The following ARHGAP24 variants were observed in gnomAD, a reference collection of about 807,000 sequenced individuals.
ARHGAP24 encodes the protein Rho GTPase activating protein 24.
In ARHGAP24, 50 loss-of-function variants were observed where a neutral mutation model predicts 76.4. That is an observed-to-expected ratio of 0.65 (90% CI 0.52 to 0.83). ARHGAP24 has a LOEUF of 0.83. Among genes scored for constraint, ARHGAP24 ranks in the 40% least tolerant of loss-of-function variants. The pLI is 0.00. For missense variants in ARHGAP24, 930 were observed against 914.2 expected (o/e 1.02, Z -0.22); for synonymous variants, 345 against 323.3 (o/e 1.07, Z -0.72).
chr4:85,521,991 T>C (rs1724788055), intron 1 of ARHGAP24, among the ~76,000 whole-genome samples: 1 of 152,192 alleles, frequency 6.6e-6, no homozygotes, highest in Non-Finnish European at 1.5e-5. Flanking sequence ...ATGCCTGTTT[T>C]GTAGAAATTC....
intron 2 of ARHGAP24, among the ~76,000 whole-genome samples, chr4:85,683,962 A>T (rs1339151788): frequency 6.6e-6 from 1 of 152,104 alleles, no homozygotes; most frequent in Non-Finnish European, 1.5e-5. Context: ...ATTCCATTGT[A>T]TATATATATA....
chr4:85,509,766 T>C (rs1432780053), intron 1 of ARHGAP24, among the ~76,000 whole-genome samples: 3 of 152,120 alleles, frequency 2.0e-5, no homozygotes, highest in Non-Finnish European at 4.4e-5. Flanking sequence ...TCACTTTGTT[T>C]GAACCTGGAA....
At chr4:85,896,762 G>T (rs958111331) in intron 3 of ARHGAP24, among the ~76,000 whole-genome samples, 3 of 152,050 alleles carry the variant, frequency 2.0e-5, no homozygotes, top group Non-Finnish European at 4.4e-5. Flanking sequence ...TGTTTGGGGA[G>T]CCTCTGTTGA....
At chr4:85,941,527 T>C (rs1736944729) in intron 4 of ARHGAP24, among the ~76,000 whole-genome samples, 1 of 152,200 alleles carries the variant, frequency 6.6e-6, no homozygotes, top group Admixed American at 6.5e-5. Flanking sequence ...GTCTGAAATA[T>C]TTTATATGGG....
intron 3 of ARHGAP24, among the ~76,000 whole-genome samples, chr4:85,784,509 T>A (rs1727715284): frequency 6.6e-6 from 1 of 151,960 alleles, no homozygotes; most frequent in South Asian, 2.1e-4. Context: ...AACGTCCCCT[T>A]CCTCCAGATG....
intron 3 of ARHGAP24, among the ~76,000 whole-genome samples, chr4:85,837,897 G>C (rs1019978317): frequency 6.6e-6 from 1 of 152,054 alleles, no homozygotes; most frequent in African/African-American, 2.4e-5. Context: ...TTCCTCGATC[G>C]GTATTGTATT....
At chr4:85,686,655 A>G (rs191022013) in intron 2 of ARHGAP24, 92 of 152,364 alleles carry the variant, frequency 6.0e-4, no homozygotes, top group African/African-American at 2.2e-3. Flanking sequence ...CCCTGCATAC[A>G]TTAAACAAGT....
At chr4:85,962,492 A>G (rs1738318032) in intron 5 of ARHGAP24, among the ~76,000 whole-genome samples, 1 of 151,948 alleles carries the variant, frequency 6.6e-6, no homozygotes. Context: ...GGTGGATATT[A>G]TAGTATATAG....
intron 1 of ARHGAP24, among the ~76,000 whole-genome samples, chr4:85,528,324 G>A (rs191182648): frequency 1.3e-5 from 2 of 152,150 alleles, no homozygotes; most frequent in African/African-American, 2.4e-5. Flanking sequence ...AGCTATGATT[G>A]CTAAAAATAT....
At chr4:85,652,332 A>G (rs760334064) in intron 2 of ARHGAP24, among the ~76,000 whole-genome samples, 8 of 152,212 alleles carry the variant, frequency 5.3e-5, no homozygotes, top group Non-Finnish European at 1.2e-4. Flanking sequence ...TCACAATATT[A>G]CTTTACTGAC....
At chr4:85,982,854 C>G (rs1255191872) in intron 8 of ARHGAP24, among the ~76,000 whole-genome samples, 1 of 152,010 alleles carries the variant, frequency 6.6e-6, no homozygotes, top group Non-Finnish European at 1.5e-5. Flanking sequence ...ATTTGCTGTG[C>G]CTGTCAACCC....
chr4:85,828,173 T>A (rs1256278049), intron 3 of ARHGAP24, among the ~76,000 whole-genome samples: 2 of 152,212 alleles, frequency 1.3e-5, no homozygotes, highest in East Asian at 3.9e-4. Context: ...AGATTGGACA[T>A]AGTGCTGTTC....
intron 3 of ARHGAP24, among the ~76,000 whole-genome samples, chr4:85,814,503 C>T (rs1263990703): frequency 6.6e-6 from 1 of 152,202 alleles, no homozygotes; most frequent in Non-Finnish European, 1.5e-5. Context: ...GTACCCCATG[C>T]AAGTCCAAAA....
rs1286331245 is a variant in ARHGAP24 at position 85,574,700 on chromosome 4, T to C, written c.180+3979T>C. On this transcript the variant is annotated intron_variant, in intron 2 of 9. Transcript: ENST00000395184. ...GAAAGGAATCATGACAGTTGTTTCCTAATACATTGAAAACCTAAGTTAATA... is the reference window on the plus strand; with the variant it reads ...GAAAGGAATCATGACAGTTGTTTCCCAATACATTGAAAACCTAAGTTAATA... 2.6e-5 allele frequency among the ~76,000 whole-genome samples: 4 copies of C among 152,246 alleles called. No individual in the cohort carries two copies. The South Asian group carries it at 8.3e-4, about 32-fold the overall frequency.
At chr4:85,568,320 G>A (rs1048172001) in intron 1 of ARHGAP24, among the ~76,000 whole-genome samples, 2 of 151,536 alleles carry the variant, frequency 1.3e-5, no homozygotes, top group Non-Finnish European at 2.9e-5. Flanking sequence ...CGGGGGGGAG[G>A]GGGGCGTGTG....
intron 1 of ARHGAP24, among the ~76,000 whole-genome samples, chr4:85,506,609 T>C (rs1386824672): frequency 6.6e-6 from 1 of 151,286 alleles, no homozygotes; most frequent in Non-Finnish European, 1.5e-5. Context: ...AAAAGCACAG[T>C]ATTTGGGCAG....
At chr4:85,827,905 C>G in intron 3 of ARHGAP24, 1 of 1,289,714 alleles carries the variant, frequency 7.8e-7, no homozygotes, top group Non-Finnish European at 1.0e-6. Flanking sequence ...GACAGAGCAG[C>G]TGCTCTGTCT....
chr4:85,920,742 A>C (rs1735672734), intron 3 of ARHGAP24, among the ~76,000 whole-genome samples: 1 of 152,244 alleles, frequency 6.6e-6, no homozygotes, highest in Non-Finnish European at 1.5e-5. Flanking sequence ...AAAAGAAGAC[A>C]TACATGTGGC....
At chr4:85,839,488 G>C (rs1246535173) in intron 3 of ARHGAP24, among the ~76,000 whole-genome samples, 1 of 152,050 alleles carries the variant, frequency 6.6e-6, no homozygotes, top group Non-Finnish European at 1.5e-5. Flanking sequence ...GTCTCGCTCT[G>C]TTGCCAGGCT....
Sources: gnomAD v4.1 joint callset for allele counts (sites outside exome capture counted in the v4.1 genomes callset) on GRCh38, gnomAD v4.1.1 for gene constraint, MANE v1.5 for transcripts, NCBI Gene and HGNC (gene_info 2026-07-23, HGNC 2026-07-21) for gene names.